Variants in NTRK2 observed in about 807,000 individuals in gnomAD.
NTRK2 encodes the protein neurotrophic receptor tyrosine kinase 2, also known as BDNF/NT-3 growth factors receptor.
In NTRK2, 13 loss-of-function variants were observed where a neutral mutation model predicts 94.5. That is an observed-to-expected ratio of 0.14 (90% CI 0.09 to 0.22). The LOEUF (loss-of-function observed/expected upper bound fraction) is 0.22, where lower values mean the gene tolerates loss of function less well. Ranked by LOEUF, NTRK2 falls within the 10% of genes least tolerant of loss-of-function variation. The probability of loss-of-function intolerance (pLI) is 1.00; values close to 1 mark genes in which losing one functional copy is unlikely to be tolerated. For synonymous variants in NTRK2, 372 were observed against 407.4 expected, an observed-to-expected ratio of 0.91 and a Z score of 1.05; for missense variants, 639 against 1,071.2, an observed-to-expected ratio of 0.60 and a Z score of 5.63.
intron 12 of NTRK2, among the ~76,000 whole-genome samples, chr9:84,797,845 A>G: frequency 9.9e-6 from 1 of 100,892 alleles, no homozygotes; most frequent in East Asian, 2.4e-4. Context: ...TATATATATT[A>G]TATATTATAT....
intron 14 of NTRK2, among the ~76,000 whole-genome samples, chr9:84,878,214 A>G (rs986268177): frequency 1.3e-5 from 2 of 152,244 alleles, no homozygotes; most frequent in African/African-American, 2.4e-5. Context: ...AAAGAATGCA[A>G]AAGATCTATG....
At chr9:84,752,539 A>G (rs1349253707) in intron 12 of NTRK2, among the ~76,000 whole-genome samples, 1 of 152,206 alleles carries the variant, frequency 6.6e-6, no homozygotes, top group African/African-American at 2.4e-5. Context: ...TGAAATTTAA[A>G]CAACAGTGTT....
At chr9:84,795,048 GT>G (rs1284214950) in intron 12 of NTRK2, among the ~76,000 whole-genome samples, 2 of 152,106 alleles carry the variant, frequency 1.3e-5, no homozygotes, top group African/African-American at 4.8e-5. Flanking sequence ...TCTCAGCTCT[GT>G]CCACGACAGA....
At position 85,025,656 on chromosome 9, in the gene NTRK2, A is replaced by G. The variant is rs1432680671; in HGVS notation, c.*4219A>G. The G allele has an allele frequency of 8.6e-6, 2 of 233,140 alleles. No individual in the cohort carries two copies. Among genetic ancestry groups the G allele is most frequent in the African/African-American group, 2.2e-5 (1 of 45,344 alleles). 14.4% of individuals were successfully genotyped at this position (233,140 alleles called of 1,614,324 possible). A position where few individuals can be genotyped will look rare whatever the true frequency, so the allele number is the denominator to read the frequency against. On this transcript the variant is annotated 3_prime_UTR_variant, in exon 19 of 19. Coordinates refer to ENST00000277120, the MANE Select transcript of NTRK2 (RefSeq NM_006180.6). ...TAAATAAATGACTGCATATACACAC[A>G]TACCCTCAATTCTCTTGCTTCCCCA...
At chr9:84,901,426 G>A (rs1290296681) in intron 14 of NTRK2, among the ~76,000 whole-genome samples, 1 of 151,834 alleles carries the variant, frequency 6.6e-6, no homozygotes, top group African/African-American at 2.4e-5. Context: ...TAGAGACAGG[G>A]TTTCACCATC....
chr9:84,880,062 CT>C (rs1432476116), intron 14 of NTRK2, among the ~76,000 whole-genome samples: 1 of 151,898 alleles, frequency 6.6e-6, no homozygotes, highest in African/African-American at 2.4e-5. Flanking sequence ...TCCACTTTTT[CT>C]TTTGCCAAGC....
intron 2 of NTRK2, among the ~76,000 whole-genome samples, chr9:84,700,719 C>T (rs2060667738): frequency 1.3e-5 from 2 of 152,132 alleles, no homozygotes; most frequent in Non-Finnish European, 2.9e-5. Flanking sequence ...GTGTTCCTCC[C>T]CATCATTTAA....
intron 5 of NTRK2, among the ~76,000 whole-genome samples, chr9:84,710,405 C>T (rs535026457): frequency 7.2e-4 from 109 of 152,174 alleles, no homozygotes; most frequent in African/African-American, 2.6e-3. Context: ...TCTTGTTTCC[C>T]CTGTTATTCT....
At chr9:84,862,724 G>A (rs2075391912) in intron 13 of NTRK2, among the ~76,000 whole-genome samples, 1 of 152,222 alleles carries the variant, frequency 6.6e-6, no homozygotes. Flanking sequence ...GCCACGTGGG[G>A]AAGTGCTGGG....
chr9:84,980,102 G>A (rs1464653443), intron 17 of NTRK2, among the ~76,000 whole-genome samples: 2 of 152,188 alleles, frequency 1.3e-5, no homozygotes, highest in African/African-American at 2.4e-5. Flanking sequence ...TCTGAGGCAT[G>A]TCTGTACTCA....
chr9:84,691,514 G>GT (rs2060046680), intron 2 of NTRK2, among the ~76,000 whole-genome samples: 1 of 152,144 alleles, frequency 6.6e-6, no homozygotes, highest in Non-Finnish European at 1.5e-5. Flanking sequence ...TTTAGTCTCT[G>GT]TTGCTGGTTA....
At chr9:84,740,008 A>C (rs114344332) in intron 9 of NTRK2, among the ~76,000 whole-genome samples, 319 of 152,328 alleles carry the variant, frequency 2.1e-3, no homozygotes, top group African/African-American at 7.3e-3. Flanking sequence ...TGAAGTTGAA[A>C]ATCTCATATT....
chr9:84,676,977 G>A (rs1404168574), intron 2 of NTRK2, among the ~76,000 whole-genome samples: 1 of 151,972 alleles, frequency 6.6e-6, no homozygotes, highest in Non-Finnish European at 1.5e-5. Context: ...GTGTGTGTGT[G>A]TGTGTTAAAT....
At chr9:84,707,732 T>C in intron 4 of NTRK2, 112 bp from the exon 5 acceptor site, 2 of 832,376 alleles carry the variant, frequency 2.4e-6, no homozygotes, top group South Asian at 1.5e-5. Flanking sequence ...TAAGTAAAGC[T>C]TATATAATGA....
intron 4 of NTRK2, among the ~76,000 whole-genome samples, chr9:84,704,742 C>T (rs2060943327): frequency 6.6e-6 from 1 of 152,162 alleles, no homozygotes; most frequent in Non-Finnish European, 1.5e-5. Flanking sequence ...GAGAAATAGG[C>T]AAGTGCCAGG....
intron 6 of NTRK2, among the ~76,000 whole-genome samples, chr9:84,722,540 T>C (rs1450244105): frequency 6.6e-6 from 1 of 152,168 alleles, no homozygotes; most frequent in Non-Finnish European, 1.5e-5. Flanking sequence ...TGATGTATCA[T>C]AGTTCTTCAA....
In NTRK2 at chr9:84,873,034, C is replaced by A. The variant is rs1258633343; in HGVS notation, c.1633+5603C>A. 4 of 1,063,270 alleles carry A rather than the reference C, an allele frequency of 3.8e-6. No individual in the cohort carries two copies. In the African/African-American group the frequency reaches 6.6e-5, roughly 17 times the overall value. The allele number at this position is 1,063,270 out of a possible 1,614,324, so 65.9% of individuals were successfully genotyped here. A position where few individuals can be genotyped will look rare whatever the true frequency, so the allele number is the denominator to read the frequency against. ...CATGAGCAAAAATTCTGAATTACAT[C>A]CAGGACCCCAGAAGCTCATTAGATC... On this transcript the variant is annotated intron_variant, in intron 14 of 18. Transcript: ENST00000277120.
At chr9:84,961,366 A>G (rs1564505457) in intron 17 of NTRK2, among the ~76,000 whole-genome samples, 1 of 152,204 alleles carries the variant, frequency 6.6e-6, no homozygotes, top group Non-Finnish European at 1.5e-5. Flanking sequence ...TGTACTTAAA[A>G]CCATAAGAGT....
At chr9:84,831,668 C>G (rs1378042472) in intron 12 of NTRK2, among the ~76,000 whole-genome samples, 1 of 152,178 alleles carries the variant, frequency 6.6e-6, no homozygotes, top group Non-Finnish European at 1.5e-5. Flanking sequence ...GGTGACGGAG[C>G]TAATAAATGT....
Sources: gnomAD v4.1 joint callset for allele counts (sites outside exome capture counted in the v4.1 genomes callset) on GRCh38, gnomAD v4.1.1 for gene constraint, MANE v1.5 for transcripts, NCBI Gene and HGNC (gene_info 2026-07-23, HGNC 2026-07-21) for gene names.